Variants in EVI5 observed in about 807,000 individuals in gnomAD.
The protein encoded by EVI5 is ecotropic viral integration site 5, also known as ecotropic viral integration site 5 protein homolog.
Under a neutral mutation model 112.0 loss-of-function variants are expected in EVI5, and 73 were observed. The observed-to-expected ratio is 0.65, with a 90% CI of 0.54 to 0.79. The LOEUF (loss-of-function observed/expected upper bound fraction) is 0.79, where lower values mean the gene tolerates loss of function less well. Ranked by LOEUF, EVI5 falls within the 30% of genes least tolerant of loss-of-function variation. The pLI is 0.00. For missense variants in EVI5, 900 were observed against 968.8 expected (o/e 0.93, Z 0.94); for synonymous variants, 305 against 319.9 (o/e 0.95, Z 0.50).
chr1:92,713,905 T>C, intron 2 of EVI5: 1 of 453,502 alleles, frequency 2.2e-6, no homozygotes. Context: ...TGCCAAAGTT[T>C]TAAACCACGC....
intron 5 of EVI5, among the ~76,000 whole-genome samples, chr1:92,698,469 C>G (rs1670652012): frequency 6.6e-6 from 1 of 152,180 alleles, no homozygotes; most frequent in South Asian, 2.1e-4. Flanking sequence ...GAAAGGTCCC[C>G]TGATACGGTA....
In EVI5 at chr1:92,785,053, T is replaced by TGCCAGCTG. The variant is rs1264575973; in HGVS notation, c.-307_-300dup. On this transcript the variant is annotated 5_prime_UTR_variant, in exon 1 of 20. Coordinates refer to ENST00000684568, the MANE Select transcript of EVI5 (RefSeq NM_001350197.2). ...GCTGTCGGAACTGCAGCCAGCCCCT[T>TGCCAGCTG]GCCAGCTGGCCAGCTGGTTCCTCCG... 4.1e-6 allele frequency: 4 copies of TGCCAGCTG among 985,132 alleles called. No homozygotes were observed. The highest frequency in any genetic ancestry group is 1.1e-4 in the East Asian group (1 of 8,752). 61.0% of individuals were successfully genotyped at this position (985,132 alleles called of 1,614,324 possible).
chr1:92,518,686 T>C (rs1453860849), intron 19 of EVI5, among the ~76,000 whole-genome samples: 1 of 149,208 alleles, frequency 6.7e-6, no homozygotes, highest in East Asian at 2.0e-4. Context: ...TAGACGTAAA[T>C]TTCTCTTACC....
intron 2 of EVI5, among the ~76,000 whole-genome samples, chr1:92,708,819 A>C (rs1439503243): frequency 1.3e-5 from 2 of 152,186 alleles, no homozygotes; most frequent in African/African-American, 2.4e-5. Flanking sequence ...ACATCCATGA[A>C]CCTTGAAAAC....
chr1:92,582,537 A>C (rs1490664501), intron 18 of EVI5, among the ~76,000 whole-genome samples: 1 of 152,138 alleles, frequency 6.6e-6, no homozygotes, highest in Admixed American at 6.5e-5. Context: ...AAAAGCCTTA[A>C]TGTAGGAATG....
At chr1:92,566,154 TTC>T (rs1557801849) in intron 18 of EVI5, among the ~76,000 whole-genome samples, 3 of 152,260 alleles carry the variant, frequency 2.0e-5, no homozygotes, top group Middle Eastern at 6.8e-3. Flanking sequence ...TTTTGCTTTG[TTC>T]TCTTTCTTTT....
chr1:92,614,299 G>C (rs1274535965), intron 16 of EVI5, among the ~76,000 whole-genome samples: 1 of 152,090 alleles, frequency 6.6e-6, no homozygotes, highest in Non-Finnish European at 1.5e-5. Flanking sequence ...AAATTACAAA[G>C]CATAGGAAAA....
At chr1:92,661,971 C>T (rs1664091177) in intron 13 of EVI5, among the ~76,000 whole-genome samples, 1 of 152,058 alleles carries the variant, frequency 6.6e-6, no homozygotes, top group African/African-American at 2.4e-5. Context: ...GTTGGCTTTT[C>T]TTTTACCCTC....
chr1:92,562,882 A>G (rs1668851845), intron 19 of EVI5, among the ~76,000 whole-genome samples: 1 of 152,160 alleles, frequency 6.6e-6, no homozygotes, highest in Non-Finnish European at 1.5e-5. Flanking sequence ...TAAACAAATA[A>G]AGGTTATACT....
chr1:92,548,277 GC>G (rs1463241957), intron 19 of EVI5, among the ~76,000 whole-genome samples: 2 of 152,132 alleles, frequency 1.3e-5, no homozygotes, highest in Admixed American at 6.5e-5. Flanking sequence ...TGCAGAAAAG[GC>G]CTTTGACAAA....
At chr1:92,585,481 ACT>A (rs1287347545) in intron 18 of EVI5, among the ~76,000 whole-genome samples, 2 of 152,032 alleles carry the variant, frequency 1.3e-5, no homozygotes, top group Non-Finnish European at 2.9e-5. Flanking sequence ...AGAGCAAGAC[ACT>A]CTCCCTCTCT....
At chr1:92,574,421 G>T (rs1156346372) in intron 18 of EVI5, among the ~76,000 whole-genome samples, 1 of 152,142 alleles carries the variant, frequency 6.6e-6, no homozygotes, top group Admixed American at 6.5e-5. Context: ...AAATGTGATG[G>T]TGCATCAACC....
intron 13 of EVI5, among the ~76,000 whole-genome samples, chr1:92,661,964 G>T (rs1461733245): frequency 6.6e-6 from 1 of 152,042 alleles, no homozygotes; most frequent in Non-Finnish European, 1.5e-5. Flanking sequence ...ATAAACAGTT[G>T]GCTTTTCTTT....
At chr1:92,553,654 A>C (rs1347470081) in intron 19 of EVI5, among the ~76,000 whole-genome samples, 1 of 151,662 alleles carries the variant, frequency 6.6e-6, no homozygotes, top group African/African-American at 2.4e-5. Flanking sequence ...AGTTGGTCTC[A>C]AACTCCTGGG....
chr1:92,761,002 G>A (rs1681760660), intron 1 of EVI5, among the ~76,000 whole-genome samples: 1 of 142,264 alleles, frequency 7.0e-6, no homozygotes, highest in African/African-American at 2.6e-5. Context: ...AGCCTGCAGT[G>A]AGCCGAGATA....
chr1:92,740,071 C>T (rs1386520706), intron 1 of EVI5, among the ~76,000 whole-genome samples: 1 of 151,842 alleles, frequency 6.6e-6, no homozygotes, highest in Non-Finnish European at 1.5e-5. Context: ...AATCATTTTG[C>T]AGTTCTATCT....
chr1:92,766,313 T>C (rs1021687311), intron 1 of EVI5, among the ~76,000 whole-genome samples: 1 of 151,542 alleles, frequency 6.6e-6, no homozygotes. Context: ...TTTGTTTTTT[T>C]AAAAAAAGGA....
rs1018012655 is a variant in EVI5 at position 92,605,243 on chromosome 1, G to C, written c.2070+64C>G. 9.3e-6 allele frequency: 10 copies of C among 1,071,638 alleles called. No homozygotes were observed. In the African/African-American group the frequency reaches 1.6e-4, roughly 17 times the overall value. The allele number at this position is 1,071,638 out of a possible 1,614,324, so 66.4% of individuals were successfully genotyped here. A position where few individuals can be genotyped will look rare whatever the true frequency, so the allele number is the denominator to read the frequency against. ...TCACGAGGATAAAGAGTAAGTTACTGTTCAGACAAAGAGGATAGAAGAAAC... is the reference window on the plus strand; with the variant it reads ...TCACGAGGATAAAGAGTAAGTTACTCTTCAGACAAAGAGGATAGAAGAAAC... On this transcript the variant is annotated intron_variant, in intron 18 of 19. Transcript: ENST00000684568.
intron 19 of EVI5, among the ~76,000 whole-genome samples, chr1:92,525,995 C>A (rs1661805155): frequency 6.6e-6 from 1 of 152,166 alleles, no homozygotes; most frequent in Non-Finnish European, 1.5e-5. Flanking sequence ...TTCTTAAGGG[C>A]AGGCCCTTTC....
Sources: gnomAD v4.1 joint callset for allele counts (sites outside exome capture counted in the v4.1 genomes callset) on GRCh38, gnomAD v4.1.1 for gene constraint, MANE v1.5 for transcripts, NCBI Gene and HGNC (gene_info 2026-07-23, HGNC 2026-07-21) for gene names.